Variants in GRIK3 observed in about 807,000 individuals in gnomAD.
The protein encoded by GRIK3 is glutamate ionotropic receptor kainate type subunit 3.
GRIK3 carries 29 observed loss-of-function variants against 102.5 expected under a neutral mutation model. That is an observed-to-expected ratio of 0.28 (90% CI 0.21 to 0.39). The LOEUF (loss-of-function observed/expected upper bound fraction) is 0.39, where lower values mean the gene tolerates loss of function less well. Among genes scored for constraint, GRIK3 ranks in the 10% least tolerant of loss-of-function variants. The probability of loss-of-function intolerance (pLI) is 1.00; values close to 1 mark genes in which losing one functional copy is unlikely to be tolerated. For missense variants in GRIK3, 908 were observed against 1,252.4 expected (o/e 0.73, Z 4.15); for synonymous variants, 511 against 504.9 (o/e 1.01, Z -0.16).
chr1:36,864,746 G>A (rs1037607463), intron 5 of GRIK3, among the ~76,000 whole-genome samples: 1 of 152,222 alleles, frequency 6.6e-6, no homozygotes, highest in African/African-American at 2.4e-5. Flanking sequence ...TAGCTGCAAA[G>A]TGTTGTAGGG....
At chr1:36,898,880 C>T (rs1300844089) in intron 1 of GRIK3, among the ~76,000 whole-genome samples, 1 of 152,110 alleles carries the variant, frequency 6.6e-6, no homozygotes, top group Non-Finnish European at 1.5e-5. Flanking sequence ...TAAAACCTCA[C>T]ATGTATGGTT....
intron 1 of GRIK3, among the ~76,000 whole-genome samples, chr1:36,936,219 T>C (rs1479240218): frequency 6.6e-6 from 1 of 152,132 alleles, no homozygotes; most frequent in Non-Finnish European, 1.5e-5. Flanking sequence ...GCTTTGCTGG[T>C]CCAAGCTAGA....
chr1:36,898,166 T>C (rs1641193997), intron 1 of GRIK3, among the ~76,000 whole-genome samples: 1 of 151,932 alleles, frequency 6.6e-6, no homozygotes, highest in African/African-American at 2.4e-5. Flanking sequence ...TGGGGGTGCT[T>C]AATAGGTACA....
Position 36,819,802 on chromosome 1 carries a change from C to G in GRIK3, c.1807G>C (p.Val603Leu), listed in dbSNP as rs764004217. Residue 603 changes from valine to leucine, a missense_variant, in exon 12 of 16, where the codon GTG becomes CTG. This residue lies in a region of GRIK3 where 585 missense variants were observed against 824.9 expected (regional missense o/e 0.71). Transcript: ENST00000373091. The surrounding 1 kb of genome is among the most constrained non-coding windows in gnomAD (Gnocchi z 4.1). ...DAHPCNPGSE[V>L]VENNFTLLNS... ...AGCAGAGTGAAGTTATTTTCCACCA[C>G]CTCGGAGCCAGGGTTGCAGGGGTGA... The G allele has an allele frequency of 3.7e-6, 6 of 1,606,448 alleles. No homozygotes were observed. Among genetic ancestry groups the G allele is most frequent in the East Asian group, 4.5e-5 (2 of 44,810 alleles).
intron 11 of GRIK3, among the ~76,000 whole-genome samples, chr1:36,824,631 GAA>G (rs923078581): frequency 2.6e-5 from 4 of 152,200 alleles, no homozygotes; most frequent in African/African-American, 9.7e-5. Context: ...CCTCTCCAGA[GAA>G]GTCTCTCTTT....
chr1:36,898,552 A>G (rs2124280174), intron 1 of GRIK3, among the ~76,000 whole-genome samples: 1 of 152,332 alleles, frequency 6.6e-6, no homozygotes, highest in East Asian at 1.9e-4. Context: ...ATAAATGTAA[A>G]TACATCCCAT....
intron 2 of GRIK3, among the ~76,000 whole-genome samples, chr1:36,886,179 T>C (rs1453839172): frequency 6.6e-6 from 1 of 152,096 alleles, no homozygotes; most frequent in Non-Finnish European, 1.5e-5. Flanking sequence ...AAGTCCATTT[T>C]AACAGGGAAA....
In GRIK3 at chr1:36,850,596, C is replaced by T. The variant is rs1229558727; in HGVS notation, c.1213-172G>A. 6.6e-6 allele frequency among the ~76,000 whole-genome samples: 1 copy of T among 152,218 alleles called. No homozygotes were observed. The highest frequency in any genetic ancestry group is 1.9e-4 in the East Asian group (1 of 5,196). On this transcript the variant is annotated intron_variant, in intron 8 of 15. Transcript: ENST00000373091. The surrounding 1 kb of genome is among the most constrained non-coding windows in gnomAD (Gnocchi z 4.0). ...AGTTATAACCGTTCTGGACAACATC[C>T]CTGCAGCTCTCCCTCCTCTCCTGAC...
At chr1:36,979,643 T>G (rs928784947) in intron 1 of GRIK3, among the ~76,000 whole-genome samples, 3 of 152,216 alleles carry the variant, frequency 2.0e-5, no homozygotes, top group Non-Finnish European at 4.4e-5. Context: ...AAAGAAGAGT[T>G]GATCCAGAGT....
intron 1 of GRIK3, among the ~76,000 whole-genome samples, chr1:36,932,235 A>G (rs1641598844): frequency 6.6e-6 from 1 of 152,188 alleles, no homozygotes; most frequent in Non-Finnish European, 1.5e-5. Context: ...ATATGACTTC[A>G]TTCGATGCTT....
intron 1 of GRIK3, among the ~76,000 whole-genome samples, chr1:37,023,229 A>T (rs945713347): frequency 2.0e-5 from 3 of 151,906 alleles, no homozygotes; most frequent in Non-Finnish European, 4.4e-5. Context: ...TGGGAGGCTG[A>T]GGCAGGAGAA....
intron 1 of GRIK3, among the ~76,000 whole-genome samples, chr1:36,972,317 T>C (rs765657554): frequency 2.0e-5 from 3 of 152,216 alleles, no homozygotes; most frequent in Non-Finnish European, 4.4e-5. Context: ...GGGCTGAAAG[T>C]GGACAGATCC....
In GRIK3 at chr1:36,797,757, C is replaced by G. The variant is rs936248771; in HGVS notation, c.*4094G>C. The G allele has an allele frequency of 2.6e-5, 4 of 152,274 alleles. No homozygotes were observed. Among genetic ancestry groups the G allele is most frequent in the African/African-American group, 9.6e-5 (4 of 41,468 alleles). 9.4% of individuals were successfully genotyped at this position (152,274 alleles called of 1,614,324 possible). On this transcript the variant is annotated 3_prime_UTR_variant, in exon 16 of 16. Coordinates refer to ENST00000373091, the MANE Select transcript of GRIK3 (RefSeq NM_000831.4). Reference sequence around the variant, plus strand: ...AGCTGGGAGTGGCTCAGGGAGGGACCAACTTCATGCTGAGTGATGAAGCAG... The same window carrying G: ...AGCTGGGAGTGGCTCAGGGAGGGACGAACTTCATGCTGAGTGATGAAGCAG...
At chr1:36,883,328 G>A (rs541051820) in intron 2 of GRIK3, among the ~76,000 whole-genome samples, 2 of 152,314 alleles carry the variant, frequency 1.3e-5, no homozygotes, top group South Asian at 4.1e-4. Flanking sequence ...ATGGGGAGAG[G>A]TAGCACCAGG....
chr1:36,895,065 C>A (rs1265550443), intron 1 of GRIK3, among the ~76,000 whole-genome samples: 1 of 152,084 alleles, frequency 6.6e-6, no homozygotes, highest in African/African-American at 2.4e-5. Context: ...GGGGGAGAAG[C>A]ACCTGTGAAG....
At position 36,817,326 on chromosome 1, in the gene GRIK3, G is replaced by A. The variant is rs376032792; in HGVS notation, c.1874-49C>T. ...AGTCCCTTACAACATCCAGACTAGC[G>A]CTGCTCAAGTCCCCTGGGTCATGGA... On this transcript the variant is annotated intron_variant, in intron 12 of 15. Coordinates refer to ENST00000373091, the MANE Select transcript of GRIK3 (RefSeq NM_000831.4). 233 of 1,244,286 alleles carry A rather than the reference G, an allele frequency of 1.9e-4. 1 individual carries two copies. In the East Asian group the frequency reaches 2.7e-3, roughly 14 times the overall value. The allele number at this position is 1,244,286 out of a possible 1,614,324, so 77.1% of individuals were successfully genotyped here. A position where few individuals can be genotyped will look rare whatever the true frequency, so the allele number is the denominator to read the frequency against.
At chr1:36,805,559 C>T (rs141545300) in intron 14 of GRIK3, among the ~76,000 whole-genome samples, 1,577 of 152,298 alleles carry the variant, frequency 0.01, 29 homozygotes, top group African/African-American at 0.036. Flanking sequence ...CCCCAAACCT[C>T]GCGTCTGTCC....
chr1:36,860,079 C>T lies in GRIK3; in HGVS notation c.787-62G>A, dbSNP rs796638134. 18 of 1,306,866 alleles carry T rather than the reference C, an allele frequency of 1.4e-5. No homozygotes were observed. The African/African-American group carries it at 2.5e-4, about 18-fold the overall frequency. The allele number at this position is 1,306,866 out of a possible 1,614,324, so 81.0% of individuals were successfully genotyped here. A position where few individuals can be genotyped will look rare whatever the true frequency, so the allele number is the denominator to read the frequency against. On this transcript the variant is annotated intron_variant, in intron 5 of 15. Coordinates refer to ENST00000373091, the MANE Select transcript of GRIK3 (RefSeq NM_000831.4). ...TCACTGCTGAGAACTCCAGCCCCGC[C>T]TCCTACCCACTCCCTAATCAGGGCC...
chr1:36,852,469 G>C (rs1640597040), intron 8 of GRIK3, among the ~76,000 whole-genome samples: 1 of 152,214 alleles, frequency 6.6e-6, no homozygotes, highest in Non-Finnish European at 1.5e-5. Flanking sequence ...ACGAGGCCCA[G>C]AAGGGCCAGT....
Sources: allele counts gnomAD v4.1 joint callset (sites outside exome capture counted in the v4.1 genomes callset), GRCh38; gene constraint gnomAD v4.1.1; regional missense constraint gnomAD v4.1.1; non-coding constraint Gnocchi (gnomAD v3.1); transcripts MANE v1.5; gene names NCBI Gene and HGNC (gene_info 2026-07-23, HGNC 2026-07-21).